Variants in PTPRN2 observed in about 807,000 individuals in gnomAD.
PTPRN2 encodes protein tyrosine phosphatase receptor type N2, also known as receptor-type tyrosine-protein phosphatase N2.
In PTPRN2, 74 loss-of-function variants were observed where a neutral mutation model predicts 118.8. The observed-to-expected ratio is 0.62, with a 90% CI of 0.52 to 0.76. The LOEUF is 0.76. Ranked by LOEUF, PTPRN2 falls within the 30% of genes least tolerant of loss-of-function variation. PTPRN2 has a pLI of 0.00. For missense variants in PTPRN2, 1,481 were observed against 1,394.4 expected (o/e 1.06, Z -0.99); for synonymous variants, 641 against 608.0 (o/e 1.05, Z -0.80).
intron 11 of PTPRN2, among the ~76,000 whole-genome samples, chr7:157,913,553 A>C (rs537419684): frequency 6.6e-5 from 10 of 152,244 alleles, no homozygotes; most frequent in Non-Finnish European, 1.2e-4. Flanking sequence ...AAAAATCAAA[A>C]TAAGAACAAA....
At chr7:158,287,072 G>C (rs550863957) in intron 3 of PTPRN2, among the ~76,000 whole-genome samples, 309 of 151,856 alleles carry the variant, frequency 2.0e-3, no homozygotes, top group African/African-American at 7.2e-3. Flanking sequence ...AATTTTTCTT[G>C]GTAGGTATCA....
At chr7:158,411,253 G>A (rs1304344410) in intron 2 of PTPRN2, among the ~76,000 whole-genome samples, 1 of 152,198 alleles carries the variant, frequency 6.6e-6, no homozygotes, top group African/African-American at 2.4e-5. Context: ...TTCCCAGTGG[G>A]TTCATTCTCC....
rs112758359 is a variant in PTPRN2 at position 158,022,784 on chromosome 7, C to T, written c.1723+58514G>A. Among the ~76,000 whole-genome samples the T allele has an allele frequency of 6.6e-5, 10 of 152,374 alleles. No individual in the cohort carries two copies. The highest frequency in any genetic ancestry group is 2.4e-4 in the African/African-American group (10 of 41,590). ...AGGCTTCCGCCATGAGTCTGGAATG[C>T]GTTCTGAGCACCCCTGGAGCAGGGC... On this transcript the variant is annotated intron_variant, in intron 11 of 22. Coordinates refer to ENST00000389418, the MANE Select transcript of PTPRN2 (RefSeq NM_002847.5). This position sits in a 1 kb window ranked among gnomAD's most constrained non-coding sequence, Gnocchi z 4.6.
chr7:158,441,037 T>A (rs1586678698), intron 2 of PTPRN2, among the ~76,000 whole-genome samples: 1 of 146,440 alleles, frequency 6.8e-6, no homozygotes, highest in African/African-American at 2.6e-5. Context: ...GTGACAGTGG[T>A]AGTAGTGATG....
At chr7:158,285,471 C>T (rs1027666714) in intron 3 of PTPRN2, among the ~76,000 whole-genome samples, 2 of 152,172 alleles carry the variant, frequency 1.3e-5, no homozygotes, top group Non-Finnish European at 2.9e-5. Flanking sequence ...CAGAGCTGAG[C>T]GCTCAGGTCC....
intron 10 of PTPRN2, among the ~76,000 whole-genome samples, chr7:158,085,608 ACGACGCCCATCCACACCCT>A (rs1813308861): frequency 2.0e-5 from 2 of 100,718 alleles, no homozygotes; most frequent in Admixed American, 1.1e-4. Context: ...ATCCACACCC[ACGACGCCCATCCACACCCT>A]CGACGCCCAT....
chr7:158,151,505 T>TCTATTCCTGCC, intron 6 of PTPRN2, among the ~76,000 whole-genome samples: 1 of 149,494 alleles, frequency 6.7e-6, no homozygotes, highest in African/African-American at 2.4e-5. Flanking sequence ...CCGCCCGCCT[T>TCTATTCCTGCC]TCTGCTCCTC....
intron 2 of PTPRN2, among the ~76,000 whole-genome samples, chr7:158,477,249 A>G (rs59382533): frequency 6.6e-6 from 1 of 152,248 alleles, no homozygotes; most frequent in African/African-American, 2.4e-5. Flanking sequence ...CTAACCAATA[A>G]TGCAAAGATG....
intron 11 of PTPRN2, among the ~76,000 whole-genome samples, chr7:157,950,322 C>T (rs1205871591): frequency 6.6e-6 from 1 of 152,182 alleles, no homozygotes; most frequent in Non-Finnish European, 1.5e-5. Flanking sequence ...GGAGGTTGTG[C>T]CAGGTCAAAT....
At position 157,682,816 on chromosome 7, in the gene PTPRN2, T is replaced by C. The variant is rs1796977275; in HGVS notation, c.1910A>G (p.Tyr637Cys). The change falls in exon 13 of 23, where the codon TAC becomes TGC. Residue 637 changes from tyrosine to cysteine, a missense_variant. Coordinates refer to ENST00000389418, the MANE Select transcript of PTPRN2 (RefSeq NM_002847.5). ...LGVLLASGLI[Y>C]CLRHSSQHRL... ...GTGCTGAGAGCTATGGCGGAGGCAG[T>C]AGATGAGGCCAGAGGCCAGGAGGAC... is the stretch of plus-strand genomic sequence containing the variant. The C allele has an allele frequency of 6.2e-7, 1 of 1,614,026 alleles. No individual in the cohort carries two copies. Among genetic ancestry groups the C allele is most frequent in the South Asian group, 1.1e-5 (1 of 91,082 alleles).
At chr7:158,327,247 GCA>G (rs202103019) in intron 2 of PTPRN2, among the ~76,000 whole-genome samples, 2,236 of 147,800 alleles carry the variant, frequency 0.015, 60 homozygotes, top group African/African-American at 0.053. Flanking sequence ...CCACATACAT[GCA>G]CACATTCTCA....
At chr7:158,277,593 T>C (rs2150988718) in intron 3 of PTPRN2, among the ~76,000 whole-genome samples, 1 of 152,296 alleles carries the variant, frequency 6.6e-6, no homozygotes, top group African/African-American at 2.4e-5. Context: ...GAAGCACCCC[T>C]TGAAGGCACT....
chr7:158,131,157 C>G (rs200970799), intron 9 of PTPRN2, among the ~76,000 whole-genome samples: 1 of 53,906 alleles, frequency 1.9e-5, no homozygotes, highest in Non-Finnish European at 3.1e-5. Flanking sequence ...CACAAATACC[C>G]GAAGATGCAC....
Position 157,540,109 on chromosome 7 carries a change from GA to G in PTPRN2, c.*604del, listed in dbSNP as rs1385157435. Reference sequence around the variant, plus strand: ...GCCCCTGAATCACTCTGCTTGGGCTGACAGGTGTGGCTGACGGGGCCGTCCA... The same window carrying G: ...GCCCCTGAATCACTCTGCTTGGGCTGCAGGTGTGGCTGACGGGGCCGTCCA... On this transcript the variant is annotated 3_prime_UTR_variant, in exon 23 of 23. Transcript: ENST00000389418. 3.3e-5 allele frequency: 5 copies of G among 152,322 alleles called. No homozygotes were observed. Among genetic ancestry groups the G allele is most frequent in the Non-Finnish European group, 7.3e-5 (5 of 68,116 alleles). 9.4% of individuals were successfully genotyped at this position (152,322 alleles called of 1,614,324 possible).
chr7:158,023,899 A>G (rs992726983), intron 11 of PTPRN2, among the ~76,000 whole-genome samples: 1 of 151,004 alleles, frequency 6.6e-6, no homozygotes, highest in South Asian at 2.1e-4. Flanking sequence ...CACGCAGGTA[A>G]ACACACAGGG....
At chr7:157,715,282 T>C (rs888093469) in intron 12 of PTPRN2, among the ~76,000 whole-genome samples, 5 of 152,028 alleles carry the variant, frequency 3.3e-5, no homozygotes, top group African/African-American at 1.2e-4. Flanking sequence ...CCAGGGAGTG[T>C]TGGGAGACAG....
rs185810869 is a variant in PTPRN2 at position 157,924,629 on chromosome 7, C to T, written c.1724-25892G>A. On this transcript the variant is annotated intron_variant, in intron 11 of 22. Transcript: ENST00000389418. ...TACAGGATGCACGGGGAGGACACCT[C>T]GCTTTATTTCAGGTACACAGGGTAA... Among the ~76,000 whole-genome samples the T allele has an allele frequency of 2.2e-4, 33 of 152,312 alleles. 1 individual carries two copies. The highest frequency in any genetic ancestry group is 1.7e-3 in the Admixed American group (26 of 15,308).
chr7:157,556,215 A>G (rs1028883017), intron 21 of PTPRN2, among the ~76,000 whole-genome samples: 21 of 152,142 alleles, frequency 1.4e-4, no homozygotes, highest in African/African-American at 4.8e-4. Flanking sequence ...ATACATGTAC[A>G]TGGGTACACA....
At chr7:158,379,317 C>T (rs766370693) in intron 2 of PTPRN2, among the ~76,000 whole-genome samples, 5 of 152,106 alleles carry the variant, frequency 3.3e-5, no homozygotes, top group Non-Finnish European at 7.4e-5. Context: ...GCCTCTGCAG[C>T]AGTGGCAGCC....
Sources: allele counts gnomAD v4.1 joint callset (sites outside exome capture counted in the v4.1 genomes callset), GRCh38; gene constraint gnomAD v4.1.1; non-coding constraint Gnocchi (gnomAD v3.1); transcripts MANE v1.5; gene names NCBI Gene and HGNC (gene_info 2026-07-23, HGNC 2026-07-21).